PLA2G10: variants seen among roughly 807,000 people sequenced by gnomAD.
PLA2G10 encodes the protein group 10 secretory phospholipase A2.
A neutral mutation model predicts 7.9 loss-of-function variants in PLA2G10; 9 were observed. The ratio of observed to expected loss-of-function variants is 1.14; its 90% confidence interval spans 0.68 to 1.98. The LOEUF (loss-of-function observed/expected upper bound fraction) is 1.98. PLA2G10 is among the 30% of genes most tolerant of loss of function. The pLI is 0.00. For synonymous variants in PLA2G10, 19 were observed against 27.5 expected (o/e 0.69, Z 0.97); for missense variants, 53 against 65.4 (o/e 0.81, Z 0.66).
At chr16:14,673,908 G>T (rs973317635) in intron 3 of PLA2G10, among the ~76,000 whole-genome samples, 6 of 152,054 alleles carry the variant, frequency 3.9e-5, no homozygotes, top group African/African-American at 1.4e-4. Context: ...GAAAGAGAAA[G>T]AAATAAAGGG....
At chr16:14,675,205 T>A (rs1325404819) in intron 3 of PLA2G10, among the ~76,000 whole-genome samples, 1 of 150,680 alleles carries the variant, frequency 6.6e-6, no homozygotes, top group African/African-American at 2.4e-5. Context: ...AAACATAAAT[T>A]GGGGAAATGA....
rs1960777938 is a variant in PLA2G10, at chr16:14,678,143, G to A, written c.356-5394C>T. 2.0e-5 allele frequency among the ~76,000 whole-genome samples: 3 copies of A among 152,298 alleles called. No homozygotes were observed. In the South Asian group the frequency reaches 6.2e-4, roughly 32 times the overall value. On this transcript the variant is annotated intron_variant, in intron 3 of 3. Coordinates refer to ENST00000438167, the MANE Select transcript of PLA2G10 (RefSeq NM_003561.3). Reference sequence around the variant, plus strand: ...GGGGACTCTTGAGGAAGGAGCCACTGTAGCTTCCTGGCTATAGCCCCAGGG... The same window carrying A: ...GGGGACTCTTGAGGAAGGAGCCACTATAGCTTCCTGGCTATAGCCCCAGGG...
At position 14,681,217 on chromosome 16, in the gene PLA2G10, G is replaced by A. The variant is rs537145594; in HGVS notation, c.355+6948C>T. 1.6e-4 allele frequency among the ~76,000 whole-genome samples: 25 copies of A among 151,706 alleles called. 1 individual carries two copies. The highest frequency in any genetic ancestry group is 1.5e-3 in the Admixed American group (22 of 15,172). The stretch of plus-strand genomic sequence containing the variant: ...AAGGGGGAGGGGGGAGAGAGAGAGA[G>A]GAGGGGAGAGGAGGGAAAAGAAAAG... On this transcript the variant is annotated intron_variant, in intron 3 of 3. Transcript: ENST00000438167.
At chr16:14,683,651 C>T (rs1021412951) in intron 3 of PLA2G10, among the ~76,000 whole-genome samples, 1 of 152,124 alleles carries the variant, frequency 6.6e-6, no homozygotes, top group Non-Finnish European at 1.5e-5. Flanking sequence ...CCTTACCTCA[C>T]TCCGTAGACA....
intron 3 of PLA2G10, 114 bp downstream of exon 3, chr16:14,688,049 GTC>G: frequency 1.8e-6 from 1 of 547,494 alleles, no homozygotes; most frequent in South Asian, 2.0e-5. Flanking sequence ...CCAAGGGGTG[GTC>G]TATAGAGACT....
chr16:14,678,328 G>A (rs1960782965), intron 3 of PLA2G10, among the ~76,000 whole-genome samples: 1 of 152,110 alleles, frequency 6.6e-6, no homozygotes. Context: ...TTGTCCAGAA[G>A]CCAGCCCCTT....
At chr16:14,679,493 C>T (rs1193704456) in intron 3 of PLA2G10, among the ~76,000 whole-genome samples, 1 of 151,938 alleles carries the variant, frequency 6.6e-6, no homozygotes, top group African/African-American at 2.4e-5. Flanking sequence ...AAACCCATCT[C>T]TACTAAAAAT....
intron 3 of PLA2G10, among the ~76,000 whole-genome samples, chr16:14,675,696 T>C (rs1439533316): frequency 6.6e-6 from 1 of 150,478 alleles, no homozygotes; most frequent in Non-Finnish European, 1.5e-5. Flanking sequence ...ATCCCAGCAC[T>C]TTGGGAGGCC....
At chr16:14,675,828 A>G (rs1200213471) in intron 3 of PLA2G10, among the ~76,000 whole-genome samples, 1 of 151,554 alleles carries the variant, frequency 6.6e-6, no homozygotes, top group African/African-American at 2.4e-5. Flanking sequence ...AATCCCAGCT[A>G]CTTGGGAGGC....
At chr16:14,684,509 T>C (rs1270239289) in intron 3 of PLA2G10, among the ~76,000 whole-genome samples, 1 of 151,278 alleles carries the variant, frequency 6.6e-6, no homozygotes, top group African/African-American at 2.4e-5. Flanking sequence ...CTACTAAAAA[T>C]ACAAAAATTA....
At chr16:14,683,423 A>G (rs1960950404) in intron 3 of PLA2G10, among the ~76,000 whole-genome samples, 1 of 151,460 alleles carries the variant, frequency 6.6e-6, no homozygotes, top group Admixed American at 6.6e-5. Context: ...CTTAGTAGAG[A>G]TGGGGTTTCA....
intron 3 of PLA2G10, among the ~76,000 whole-genome samples, chr16:14,687,632 C>T (rs908838260): frequency 6.4e-4 from 97 of 152,110 alleles, no homozygotes; most frequent in African/African-American, 1.9e-3. Flanking sequence ...CTATCTTCTT[C>T]CTTGTCGTCC....
At chr16:14,673,316 C>G (rs979777968) in intron 3 of PLA2G10, among the ~76,000 whole-genome samples, 4 of 152,002 alleles carry the variant, frequency 2.6e-5, no homozygotes, top group East Asian at 1.9e-4. Context: ...AGCCACCATG[C>G]CTGGCCTGAT....
intron 3 of PLA2G10, among the ~76,000 whole-genome samples, chr16:14,676,292 T>C (rs1045445163): frequency 2.0e-5 from 3 of 152,162 alleles, no homozygotes; most frequent in African/African-American, 7.2e-5. Context: ...AATCATTATA[T>C]CAAAAAGACG....
intron 3 of PLA2G10, among the ~76,000 whole-genome samples, chr16:14,681,871 T>C (rs1960901770): frequency 6.6e-6 from 1 of 151,590 alleles, no homozygotes; most frequent in Non-Finnish European, 1.5e-5. Context: ...ATAGGCAAGT[T>C]GAAGGGAGAA....
chr16:14,685,191 G>A (rs1301856234), intron 3 of PLA2G10, among the ~76,000 whole-genome samples: 1 of 151,960 alleles, frequency 6.6e-6, no homozygotes, highest in Non-Finnish European at 1.5e-5. Context: ...GGCCAACATG[G>A]TAAAACTCCA....
chr16:14,683,198 A>G (rs1308083202), intron 3 of PLA2G10, among the ~76,000 whole-genome samples: 1 of 150,736 alleles, frequency 6.6e-6, no homozygotes, highest in Non-Finnish European at 1.5e-5. Flanking sequence ...ATCCTCCTCC[A>G]TCTAGAGCCA....
At chr16:14,677,817 A>G (rs2151850048) in intron 3 of PLA2G10, among the ~76,000 whole-genome samples, 1 of 150,926 alleles carries the variant, frequency 6.6e-6, no homozygotes, top group South Asian at 2.1e-4. Context: ...TGGATGATGG[A>G]TGGATGGAAA....
At chr16:14,674,058 C>T (rs569579967) in intron 3 of PLA2G10, among the ~76,000 whole-genome samples, 5 of 152,060 alleles carry the variant, frequency 3.3e-5, no homozygotes, top group African/African-American at 1.2e-4. Flanking sequence ...AAACCAGTAG[C>T]ACTGCTATAC....
Sources: allele counts gnomAD v4.1 joint callset (sites outside exome capture counted in the v4.1 genomes callset), GRCh38; gene constraint gnomAD v4.1.1; transcripts MANE v1.5; gene names NCBI Gene and HGNC (gene_info 2026-07-23, HGNC 2026-07-21).